Variants in IGF2BP2 observed in about 807,000 individuals in gnomAD.
IGF2BP2 encodes insulin like growth factor 2 mRNA binding protein 2.
In IGF2BP2, 17 loss-of-function variants were observed where a neutral mutation model predicts 75.8. The ratio of observed to expected loss-of-function variants is 0.22; its 90% CI spans 0.15 to 0.34. The LOEUF is 0.34. Among genes scored for constraint, IGF2BP2 ranks in the 10% least tolerant of loss-of-function variants. IGF2BP2 has a pLI of 1.00. For missense variants in IGF2BP2, 516 were observed against 772.4 expected, an observed-to-expected ratio of 0.67 and a Z score of 3.93; for synonymous variants, 288 against 295.6, an observed-to-expected ratio of 0.97 and a Z score of 0.26.
intron 2 of IGF2BP2, among the ~76,000 whole-genome samples, chr3:185,808,132 A>AAAAGAAAG (rs144961186): frequency 7.8e-6 from 1 of 128,730 alleles, no homozygotes; most frequent in Non-Finnish European, 1.6e-5. Flanking sequence ...AAAAAAAAAA[A>AAAAGAAAG]AAAGAAAGAA....
intron 2 of IGF2BP2, among the ~76,000 whole-genome samples, chr3:185,785,400 T>C (rs1292800857): frequency 1.3e-5 from 2 of 150,870 alleles, no homozygotes; most frequent in Non-Finnish European, 2.9e-5. Flanking sequence ...CATTTTACTG[T>C]GTCAATAACG....
At chr3:185,794,921 G>A (rs1460738240) in intron 2 of IGF2BP2, among the ~76,000 whole-genome samples, 6 of 149,930 alleles carry the variant, frequency 4.0e-5, no homozygotes, top group African/African-American at 4.9e-5. Flanking sequence ...TTTTTGAGGC[G>A]GAGTCTCACT....
chr3:185,672,444 A>C (rs997417699), intron 10 of IGF2BP2, 97 bp downstream of exon 10: 1 of 1,269,024 alleles, frequency 7.9e-7, no homozygotes, highest in African/African-American at 1.5e-5. Context: ...CATGGCCTTT[A>C]AATGAAAGCT....
At chr3:185,703,094 T>C (rs1323482530) in intron 2 of IGF2BP2, among the ~76,000 whole-genome samples, 2 of 152,220 alleles carry the variant, frequency 1.3e-5, no homozygotes, top group African/African-American at 4.8e-5. Context: ...GCTAGGGAAC[T>C]GGCTACCTTC....
chr3:185,781,355 G>A (rs1027144325), intron 2 of IGF2BP2, among the ~76,000 whole-genome samples: 41 of 152,128 alleles, frequency 2.7e-4, no homozygotes, highest in Non-Finnish European at 5.9e-5. Context: ...GAGCTGGGAG[G>A]AAAGGAAGAA....
intron 2 of IGF2BP2, among the ~76,000 whole-genome samples, chr3:185,819,685 A>G (rs1002842376): frequency 6.6e-6 from 1 of 152,092 alleles, no homozygotes; most frequent in African/African-American, 2.4e-5. Context: ...ATATCTACAC[A>G]TGGAATCTAT....
At chr3:185,665,545 G>GAGA (rs1717396176) in intron 10 of IGF2BP2, among the ~76,000 whole-genome samples, 2 of 134,310 alleles carry the variant, frequency 1.5e-5, no homozygotes, top group Non-Finnish European at 3.3e-5. Flanking sequence ...GGAGGAGGAG[G>GAGA]AGAAGGAGGA....
chr3:185,679,304 A>G (rs769577016), intron 7 of IGF2BP2, among the ~76,000 whole-genome samples: 2 of 152,122 alleles, frequency 1.3e-5, no homozygotes, highest in Non-Finnish European at 2.9e-5. Flanking sequence ...TTGCAATTAC[A>G]TAAAACATCT....
At position 185,700,491 on chromosome 3, in the gene IGF2BP2, C is replaced by T. The variant is rs375341914; in HGVS notation, c.240-2144G>A. ...CCTCTATGCTGTGAAGGCTAATTCC[C>T]GACATGGCCTTTGGCAATAGTTCAG... On this transcript the variant is annotated intron_variant, in intron 2 of 15. Transcript: ENST00000382199. 2.6e-5 allele frequency among the ~76,000 whole-genome samples: 4 copies of T among 152,122 alleles called. No homozygotes were observed. In the East Asian group the frequency reaches 5.8e-4, roughly 22 times the overall value.
Position 185,687,067 on chromosome 3 carries a change from C to T in IGF2BP2, c.802G>A (p.Glu268Lys). ...TGCATGCAAACTTACAGTTTGGTCT[C>T]ATCTGCCTCTTTCTGCATGATTTCA... ...ILEIMQKEAD[E>K]TKLAEEIPLK... is the part of the protein sequence containing the mutation. The change falls in exon 7 of 16, where the codon GAG becomes AAG. Residue 268 changes from glutamate to lysine, a missense_variant. Transcript: ENST00000382199. The T allele has an allele frequency of 6.2e-7, 1 of 1,612,734 alleles. No individual in the cohort carries two copies. The highest frequency in any genetic ancestry group is 8.5e-7 in the Non-Finnish European group (1 of 1,179,856).
chr3:185,749,393 T>A (rs1232864483), intron 2 of IGF2BP2, among the ~76,000 whole-genome samples: 1 of 152,214 alleles, frequency 6.6e-6, no homozygotes, highest in Non-Finnish European at 1.5e-5. Flanking sequence ...GGAATTAAAA[T>A]ACACAATCAA....
intron 3 of IGF2BP2, 58 bp from the exon 4 acceptor site, chr3:185,696,721 A>G: frequency 7.2e-7 from 1 of 1,380,850 alleles, no homozygotes. Flanking sequence ...TACAAAAAAT[A>G]CTACAGTGAT....
chr3:185,727,708 G>A (rs1727554317), intron 2 of IGF2BP2, among the ~76,000 whole-genome samples: 1 of 152,114 alleles, frequency 6.6e-6, no homozygotes, highest in Admixed American at 6.5e-5. Context: ...TAAATTAGAT[G>A]GAGTGGAGGA....
chr3:185,804,943 A>T (rs1738805063), intron 2 of IGF2BP2, among the ~76,000 whole-genome samples: 1 of 151,722 alleles, frequency 6.6e-6, no homozygotes. Context: ...CAGTGAGCCA[A>T]GATGGCGCCA....
intron 2 of IGF2BP2, chr3:185,728,573 A>G (rs564622805): frequency 1.3e-4 from 20 of 152,368 alleles, no homozygotes; most frequent in African/African-American, 4.6e-4. Flanking sequence ...CAATCACAAA[A>G]TCAAAAAACT....
chr3:185,702,416 A>T (rs1458190519), intron 2 of IGF2BP2, among the ~76,000 whole-genome samples: 1 of 152,136 alleles, frequency 6.6e-6, no homozygotes, highest in African/African-American at 2.4e-5. Context: ...TTCTCCCTGA[A>T]ACTGTGCCCT....
chr3:185,735,562 A>G (rs941045511), intron 2 of IGF2BP2, among the ~76,000 whole-genome samples: 1 of 152,232 alleles, frequency 6.6e-6, no homozygotes, highest in Non-Finnish European at 1.5e-5. Flanking sequence ...AGTGTTTGGC[A>G]TTATCGATGG....
At chr3:185,672,037 C>T (rs925248826) in intron 10 of IGF2BP2, among the ~76,000 whole-genome samples, 4 of 152,188 alleles carry the variant, frequency 2.6e-5, no homozygotes, top group African/African-American at 9.6e-5. Flanking sequence ...AAATACCAGG[C>T]ATTGTGCTAA....
intron 2 of IGF2BP2, among the ~76,000 whole-genome samples, chr3:185,727,454 C>T (rs1331395963): frequency 1.3e-5 from 2 of 151,964 alleles, no homozygotes; most frequent in African/African-American, 4.8e-5. Context: ...AAAGACAGAA[C>T]AGTAATTGGA....
Sources: gnomAD v4.1 joint callset for allele counts (sites outside exome capture counted in the v4.1 genomes callset) on GRCh38, gnomAD v4.1.1 for gene constraint, MANE v1.5 for transcripts, NCBI Gene and HGNC (gene_info 2026-07-23, HGNC 2026-07-21) for gene names.